ZSWIM6: variants seen among roughly 807,000 people sequenced by gnomAD.
The protein encoded by ZSWIM6 is zinc finger SWIM domain-containing protein 6.
In ZSWIM6, 9 loss-of-function variants were observed where a neutral mutation model predicts 113.2. The ratio of observed to expected loss-of-function variants is 0.08; its 90% confidence interval spans 0.05 to 0.14. ZSWIM6 has a LOEUF of 0.14. ZSWIM6 is among the 10% of genes least tolerant of loss of function. The pLI, the probability that ZSWIM6 is intolerant of heterozygous loss-of-function variation, is 1.00. For missense variants in ZSWIM6, 1,162 were observed against 1,552.2 expected (o/e 0.75, Z 4.22); for synonymous variants, 611 against 606.5 (o/e 1.01, Z -0.11).
rs1749842785 is a variant in ZSWIM6, at chr5:61,544,727, G to A, written c.*410G>A. 6.6e-6 allele frequency: 1 copy of A among 152,328 alleles called. No individual in the cohort carries two copies. 9.4% of individuals were successfully genotyped at this position (152,328 alleles called of 1,614,324 possible). A position where few individuals can be genotyped will look rare whatever the true frequency, so the allele number is the denominator to read the frequency against. ...ACCTCCATCCTGTGATAAGTACCTC[G>A]AATGGATTCAGCTTTACTCCTTTGT... is the stretch of plus-strand genomic sequence containing the variant. On this transcript the variant is annotated 3_prime_UTR_variant, in exon 14 of 14. Transcript: ENST00000252744.
chr5:61,335,913 T>C (rs1470272961), intron 1 of ZSWIM6, among the ~76,000 whole-genome samples: 9 of 152,256 alleles, frequency 5.9e-5, no homozygotes, highest in Non-Finnish European at 1.2e-4. Context: ...CAGAGCTTGC[T>C]CATCAGTTGA....
intron 4 of ZSWIM6, among the ~76,000 whole-genome samples, chr5:61,512,387 T>C (rs1250722408): frequency 6.6e-6 from 1 of 152,158 alleles, no homozygotes; most frequent in East Asian, 1.9e-4. Context: ...CTAGATTGGT[T>C]CCTGTCTTTC....
chr5:61,380,021 T>G (rs1416840686), intron 1 of ZSWIM6, among the ~76,000 whole-genome samples: 5 of 152,184 alleles, frequency 3.3e-5, no homozygotes, highest in African/African-American at 4.8e-5. Flanking sequence ...TTTATGACTT[T>G]GAATAGCCTT....
In ZSWIM6 at chr5:61,526,192, CT is replaced by C; in HGVS notation, c.1691-51del. On this transcript the variant is annotated intron_variant, in intron 6 of 13. Transcript: ENST00000252744. ...GGGAGAAACATCTTACTATTAAATT[CT>C]TTTTTTATGGATATATCTGACAGTG... is the stretch of plus-strand genomic sequence containing the variant. 6.7e-6 allele frequency: 10 copies of C among 1,496,154 alleles called. No individual in the cohort carries two copies. The South Asian group carries it at 1.2e-4, about 18-fold the overall frequency. 92.7% of individuals were successfully genotyped at this position (1,496,154 alleles called of 1,614,324 possible).
chr5:61,497,960 G>C (rs1748365576), intron 4 of ZSWIM6, among the ~76,000 whole-genome samples: 1 of 152,100 alleles, frequency 6.6e-6, no homozygotes, highest in African/African-American at 2.4e-5. Flanking sequence ...CCTATTGTTA[G>C]CTGTAATGGC....
intron 12 of ZSWIM6, among the ~76,000 whole-genome samples, chr5:61,541,216 T>C (rs748791461): frequency 6.6e-6 from 1 of 152,124 alleles, no homozygotes; most frequent in Non-Finnish European, 1.5e-5. Context: ...TTGCCAGGAT[T>C]ACAGGCATGA....
Position 61,382,702 on chromosome 5 carries a change from G to A in ZSWIM6, c.676+49754G>A, listed in dbSNP as rs565952992. Among the ~76,000 whole-genome samples, 4 of 152,260 alleles carry A rather than the reference G, an allele frequency of 2.6e-5. No individual in the cohort carries two copies. The East Asian group carries it at 7.7e-4, about 29-fold the overall frequency. On this transcript the variant is annotated intron_variant, in intron 1 of 13. Transcript: ENST00000252744. ...CTCTGGTAGTCCCAGCTACTCGGAA[G>A]GCTGAGGCAGGAGGATCACTTTAAT...
In ZSWIM6 at chr5:61,332,307, A is replaced by C; in HGVS notation, c.35A>C (p.Lys12Thr). Reference sequence around the variant, plus strand: ...CGCGGACAGCAGCCTCCTCCCGCGAAACGGCTTTGCTGCCGGCCGGGCGGC... The same window carrying C: ...CGCGGACAGCAGCCTCCTCCCGCGACACGGCTTTGCTGCCGGCCGGGCGGC... ...AERGQQPPPA[K>T]RLCCRPGGGG... Residue 12 changes from lysine to threonine, a missense_variant, in exon 1 of 14, where the codon AAA (lysine) becomes ACA (threonine). Transcript: ENST00000252744. The C allele has an allele frequency of 8.6e-7, 1 of 1,160,730 alleles. No individual in the cohort carries two copies. The highest frequency in any genetic ancestry group is 1.1e-6 in the Non-Finnish European group (1 of 942,812). 71.9% of individuals were successfully genotyped at this position (1,160,730 alleles called of 1,614,324 possible).
chr5:61,355,491 C>T (rs1023085135), intron 1 of ZSWIM6, among the ~76,000 whole-genome samples: 7 of 117,486 alleles, frequency 6.0e-5, no homozygotes, highest in Admixed American at 1.8e-4. Flanking sequence ...CACACACACA[C>T]ACACACTATT....
intron 1 of ZSWIM6, among the ~76,000 whole-genome samples, chr5:61,384,408 A>G (rs903826321): frequency 1.3e-5 from 2 of 152,332 alleles, no homozygotes; most frequent in African/African-American, 2.4e-5. Flanking sequence ...TTTTTAGAAC[A>G]TGCATGGTGG....
intron 1 of ZSWIM6, among the ~76,000 whole-genome samples, chr5:61,439,958 A>G (rs1313057373): frequency 6.6e-6 from 1 of 152,174 alleles, no homozygotes; most frequent in Non-Finnish European, 1.5e-5. Flanking sequence ...TTTCTACCTA[A>G]TCTGGATTGC....
intron 1 of ZSWIM6, among the ~76,000 whole-genome samples, chr5:61,359,756 G>A (rs1744992410): frequency 6.6e-6 from 1 of 151,924 alleles, no homozygotes; most frequent in Non-Finnish European, 1.5e-5. Context: ...GTGATCTAAA[G>A]TCTTTACTTT....
intron 1 of ZSWIM6, among the ~76,000 whole-genome samples, chr5:61,413,085 A>C (rs938066000): frequency 6.6e-6 from 1 of 150,584 alleles, no homozygotes; most frequent in African/African-American, 2.4e-5. Flanking sequence ...GGTTAGTTAC[A>C]TACGTATACG....
intron 1 of ZSWIM6, among the ~76,000 whole-genome samples, chr5:61,336,388 A>C (rs978807247): frequency 1.3e-5 from 2 of 152,174 alleles, no homozygotes; most frequent in African/African-American, 4.8e-5. Context: ...AAATTTCCCC[A>C]AGTTATTTTC....
chr5:61,418,230 G>T (rs1746292391), intron 1 of ZSWIM6, among the ~76,000 whole-genome samples: 1 of 151,866 alleles, frequency 6.6e-6, no homozygotes, highest in African/African-American at 2.4e-5. Context: ...TTAACACAAA[G>T]AAGGATTCAA....
chr5:61,413,546 A>G (rs573814273), intron 1 of ZSWIM6, among the ~76,000 whole-genome samples: 77 of 152,202 alleles, frequency 5.1e-4, no homozygotes, highest in African/African-American at 1.7e-3. Flanking sequence ...CCAGTAATGG[A>G]ATGGCTGGGT....
chr5:61,446,644 T>C (rs1279205025), intron 1 of ZSWIM6, among the ~76,000 whole-genome samples: 1 of 152,192 alleles, frequency 6.6e-6, no homozygotes, highest in Non-Finnish European at 1.5e-5. Context: ...CTAACAATTC[T>C]GAAGACATTT....
chr5:61,408,401 G>A (rs561139455), intron 1 of ZSWIM6, among the ~76,000 whole-genome samples: 47 of 151,970 alleles, frequency 3.1e-4, no homozygotes, highest in African/African-American at 9.9e-4. Flanking sequence ...ATGAAGGAGG[G>A]GGTCTAAAAA....
chr5:61,440,135 G>A (rs1746795137), intron 1 of ZSWIM6, among the ~76,000 whole-genome samples: 3 of 152,026 alleles, frequency 2.0e-5, no homozygotes, highest in South Asian at 2.1e-4. Context: ...AAAAAAGCGC[G>A]AGAGTATATT....
Sources: allele counts gnomAD v4.1 joint callset (sites outside exome capture counted in the v4.1 genomes callset), GRCh38; gene constraint gnomAD v4.1.1; transcripts MANE v1.5; gene names NCBI Gene and HGNC (gene_info 2026-07-23, HGNC 2026-07-21).